The following FBXW8 variants were observed in gnomAD, a reference collection of about 807,000 sequenced individuals.
FBXW8 encodes F-box and WD repeat domain containing 8, also known as F-box/WD repeat-containing protein 8.
In FBXW8, 57 loss-of-function variants were observed where a neutral mutation model predicts 65.3. That is an observed-to-expected ratio of 0.87 (90% CI 0.71 to 1.09). The LOEUF is 1.09. FBXW8 is among the 50% of genes least tolerant of loss of function. FBXW8 has a pLI of 0.00. For synonymous variants in FBXW8, 308 were observed against 330.2 expected (o/e 0.93, Z 0.73); for missense variants, 777 against 814.8 (o/e 0.95, Z 0.57).
chr12:116,971,767 C>A (rs1884662978), intron 5 of FBXW8, among the ~76,000 whole-genome samples: 1 of 152,154 alleles, frequency 6.6e-6, no homozygotes, highest in Non-Finnish European at 1.5e-5. Context: ...CATTACTCAA[C>A]TGTGCTGTGG....
intron 7 of FBXW8, among the ~76,000 whole-genome samples, chr12:117,002,101 C>T (rs1434205382): frequency 2.6e-5 from 4 of 152,202 alleles, no homozygotes; most frequent in African/African-American, 7.2e-5. Context: ...GGCCTCACTC[C>T]GGTCCTTTGT....
At chr12:116,993,655 G>A (rs1005979786) in intron 7 of FBXW8, among the ~76,000 whole-genome samples, 1 of 151,802 alleles carries the variant, frequency 6.6e-6, no homozygotes, top group African/African-American at 2.4e-5. Flanking sequence ...GTCCTTTGTT[G>A]GATATATAGT....
At chr12:116,952,184 T>A (rs1359558256) in intron 4 of FBXW8, among the ~76,000 whole-genome samples, 1 of 152,214 alleles carries the variant, frequency 6.6e-6, no homozygotes, top group Admixed American at 6.5e-5. Context: ...TAGTCAATGA[T>A]GGGCCCCATA....
chr12:117,008,597 C>CAAAG (rs1272517498), intron 7 of FBXW8, among the ~76,000 whole-genome samples: 2 of 152,018 alleles, frequency 1.3e-5, no homozygotes, highest in Non-Finnish European at 2.9e-5. Flanking sequence ...TAGAAACTTC[C>CAAAG]AAAGAAAGAT....
chr12:116,976,334 A>G (rs1034616212), intron 5 of FBXW8, among the ~76,000 whole-genome samples: 1 of 143,572 alleles, frequency 7.0e-6, no homozygotes, highest in African/African-American at 2.6e-5. Context: ...TCTTTTTTGT[A>G]TCTTGCTATT....
At chr12:117,014,852 T>C (rs1437094127) in intron 8 of FBXW8, among the ~76,000 whole-genome samples, 1 of 152,158 alleles carries the variant, frequency 6.6e-6, no homozygotes, top group East Asian at 1.9e-4. Context: ...AGACACAGTA[T>C]TATGGGATCC....
chr12:116,987,426 A>T (rs966687772), intron 6 of FBXW8: 2 of 152,244 alleles, frequency 1.3e-5, no homozygotes, highest in African/African-American at 4.8e-5. Flanking sequence ...GAATCAAATT[A>T]TTCTTGAAAA....
At chr12:117,006,694 G>A (rs915759397) in intron 7 of FBXW8, among the ~76,000 whole-genome samples, 2 of 152,224 alleles carry the variant, frequency 1.3e-5, no homozygotes, top group Admixed American at 6.5e-5. Flanking sequence ...TGACGGTCAG[G>A]CCCCAGCTGG....
chr12:116,976,621 A>ATTTT (rs58135251), intron 5 of FBXW8, among the ~76,000 whole-genome samples: 1 of 137,958 alleles, frequency 7.2e-6, no homozygotes, highest in Non-Finnish European at 1.6e-5. Flanking sequence ...ACACCGGCTA[A>ATTTT]TTTTTTTTTT....
chr12:116,968,699 TCCTCACAGTTTTGCC>T (rs1260133208), intron 5 of FBXW8, among the ~76,000 whole-genome samples: 1 of 152,210 alleles, frequency 6.6e-6, no homozygotes, highest in African/African-American at 2.4e-5. Flanking sequence ...TGTGCCCGCT[TCCTCACAGTTTTGCC>T]AACAAAGTAT....
At chr12:116,964,356 A>G (rs537019860) in intron 4 of FBXW8, among the ~76,000 whole-genome samples, 1 of 152,284 alleles carries the variant, frequency 6.6e-6, no homozygotes, top group African/African-American at 2.4e-5. Flanking sequence ...GGCTTATACA[A>G]ATTTCTGCAA....
chr12:116,923,287 T>A (rs939037944), intron 1 of FBXW8, among the ~76,000 whole-genome samples: 2 of 149,920 alleles, frequency 1.3e-5, no homozygotes, highest in Admixed American at 6.7e-5. Context: ...TTTTTTTTTT[T>A]AAATTCCACA....
At chr12:116,959,296 A>G (rs1033215870) in intron 4 of FBXW8, among the ~76,000 whole-genome samples, 1 of 152,174 alleles carries the variant, frequency 6.6e-6, no homozygotes, top group African/African-American at 2.4e-5. Context: ...TAAATTCCTT[A>G]TATTGCACTT....
At chr12:117,015,400 C>T (rs369255305) in intron 8 of FBXW8, among the ~76,000 whole-genome samples, 3 of 152,216 alleles carry the variant, frequency 2.0e-5, no homozygotes, top group Admixed American at 6.5e-5. Context: ...AGAATCAGAA[C>T]GTCCTCCTTT....
intron 3 of FBXW8, among the ~76,000 whole-genome samples, chr12:116,947,519 G>A (rs533785218): frequency 2.0e-4 from 31 of 152,092 alleles, no homozygotes; most frequent in Admixed American, 1.2e-3. Context: ...AGGCTGAGGC[G>A]GATGGATCAC....
intron 5 of FBXW8, among the ~76,000 whole-genome samples, chr12:116,976,151 G>A (rs973719676): frequency 3.9e-5 from 6 of 152,158 alleles, no homozygotes; most frequent in African/African-American, 9.7e-5. Flanking sequence ...GATTAAATAA[G>A]ACTGGATTTT....
intron 5 of FBXW8, among the ~76,000 whole-genome samples, chr12:116,972,065 A>G (rs913921701): frequency 6.6e-6 from 1 of 152,234 alleles, no homozygotes; most frequent in African/African-American, 2.4e-5. Flanking sequence ...AATGTGGCAC[A>G]TTAAATTTAC....
chr12:116,971,032 CT>C (rs140922176), intron 5 of FBXW8, among the ~76,000 whole-genome samples: 43 of 150,126 alleles, frequency 2.9e-4, no homozygotes, highest in African/African-American at 5.4e-4. Context: ...TAAATGTAAA[CT>C]TTTTTTTTTA....
At chr12:117,024,367 G>A (rs1954176481) in intron 9 of FBXW8, 47 bp downstream of exon 9, 1 of 1,607,246 alleles carries the variant, frequency 6.2e-7, no homozygotes, top group African/African-American at 1.3e-5. Context: ...TAGGAACAGG[G>A]AAGGCAGCAC....
Sources: allele counts gnomAD v4.1 joint callset (sites outside exome capture counted in the v4.1 genomes callset), GRCh38; gene constraint gnomAD v4.1.1; transcripts MANE v1.5; gene names NCBI Gene and HGNC (gene_info 2026-07-23, HGNC 2026-07-21).